Variants in CLVS1 observed in about 807,000 individuals in gnomAD.
CLVS1 encodes the protein clavesin-1.
In CLVS1, 10 loss-of-function variants were observed where a neutral mutation model predicts 33.1. The ratio of observed to expected loss-of-function variants is 0.30; its 90% CI spans 0.19 to 0.51. The LOEUF (loss-of-function observed/expected upper bound fraction) is 0.51, where lower values mean the gene tolerates loss of function less well. CLVS1 is among the 20% of genes least tolerant of loss of function. The pLI is 0.97. For synonymous variants in CLVS1, 163 were observed against 166.1 expected, an observed-to-expected ratio of 0.98 and a Z score of 0.14; for missense variants, 343 against 433.4, an observed-to-expected ratio of 0.79 and a Z score of 1.85.
At chr8:61,040,174 T>C in the CLVS1 span, among the ~76,000 whole-genome samples, 1 of 152,234 alleles carries the variant, frequency 6.6e-6, no homozygotes, top group African/African-American at 2.4e-5. Flanking sequence ...GGACATAATT[T>C]CATTCTTTTT....
At chr8:61,038,842 C>G in the CLVS1 span, among the ~76,000 whole-genome samples, 1 of 152,194 alleles carries the variant, frequency 6.6e-6, no homozygotes, top group East Asian at 1.9e-4. Context: ...TCCGGACACT[C>G]ACGAACACCT....
intron 2 of CLVS1, among the ~76,000 whole-genome samples, chr8:61,252,118 C>T (rs180766984): frequency 6.6e-6 from 1 of 152,240 alleles, no homozygotes; most frequent in East Asian, 1.9e-4. Flanking sequence ...TACATTGTGT[C>T]TTCATTCTCA....
intron 2 of CLVS1, among the ~76,000 whole-genome samples, chr8:61,272,848 C>T (rs1262703400): frequency 6.6e-6 from 1 of 152,174 alleles, no homozygotes; most frequent in Non-Finnish European, 1.5e-5. Context: ...GCTCCGTCAG[C>T]TCCTTTAAGC....
chr8:61,119,356 C>G (rs1285242609), intron 1 of CLVS1, among the ~76,000 whole-genome samples: 1 of 151,284 alleles, frequency 6.6e-6, no homozygotes, highest in Non-Finnish European at 1.5e-5. Context: ...TTAATTGGAG[C>G]ATTTAGTCCA....
At chr8:60,985,887 A>C in the CLVS1 span, among the ~76,000 whole-genome samples, 8 of 151,838 alleles carry the variant, frequency 5.3e-5, no homozygotes, top group African/African-American at 1.9e-4. Flanking sequence ...TTTAGCCTTT[A>C]TCCGGCATAC....
chr8:61,096,316 T>A (rs1202323968), intron 1 of CLVS1, among the ~76,000 whole-genome samples: 1 of 152,248 alleles, frequency 6.6e-6, no homozygotes, highest in Non-Finnish European at 1.5e-5. Context: ...GGCGACTGCA[T>A]CCTCTGGTCC....
At chr8:61,252,902 G>A (rs1055255881) in intron 2 of CLVS1, among the ~76,000 whole-genome samples, 20 of 152,206 alleles carry the variant, frequency 1.3e-4, no homozygotes, top group Admixed American at 3.3e-4. Context: ...TTTAACTGGG[G>A]CATTTTATCA....
At chr8:61,244,597 A>G (rs541926857) in intron 2 of CLVS1, among the ~76,000 whole-genome samples, 3 of 152,332 alleles carry the variant, frequency 2.0e-5, no homozygotes, top group African/African-American at 4.8e-5. Flanking sequence ...ATGAAAACTT[A>G]TACAACACCA....
chr8:60,993,872 C>T, the CLVS1 span, among the ~76,000 whole-genome samples: 1 of 152,194 alleles, frequency 6.6e-6, no homozygotes, highest in Non-Finnish European at 1.5e-5. Context: ...CTTTTCAAGG[C>T]CATGGAGTGA....
chr8:61,168,339 T>C (rs1806923483), intron 2 of CLVS1, among the ~76,000 whole-genome samples: 1 of 152,236 alleles, frequency 6.6e-6, no homozygotes, highest in Non-Finnish European at 1.5e-5. Flanking sequence ...TCTAACATTC[T>C]TTATTAAAAA....
the CLVS1 span, among the ~76,000 whole-genome samples, chr8:60,967,184 C>T: frequency 6.6e-6 from 1 of 152,176 alleles, no homozygotes; most frequent in African/African-American, 2.4e-5. Flanking sequence ...TGTAGTCCTG[C>T]GCTAGGTCTG....
chr8:61,471,953 C>G (rs1817751518), intron 5 of CLVS1, among the ~76,000 whole-genome samples: 2 of 152,346 alleles, frequency 1.3e-5, no homozygotes, highest in East Asian at 3.9e-4. Context: ...ACACAGCCCC[C>G]ATCACACTGG....
At chr8:61,289,117 C>G (rs1043605974) in intron 1 of CLVS1, among the ~76,000 whole-genome samples, 5 of 152,192 alleles carry the variant, frequency 3.3e-5, no homozygotes, top group Admixed American at 1.3e-4. Context: ...GACCAGATGG[C>G]CTTGCTTTGT....
At position 61,074,452 on chromosome 8, in the gene CLVS1, A is replaced by G. The variant is rs1179657955; in HGVS notation, c.-243+17222A>G. Among the ~76,000 whole-genome samples the G allele has an allele frequency of 4.3e-5, 5 of 115,280 alleles. No individual in the cohort carries two copies. In the East Asian group the frequency reaches 8.5e-4, roughly 20 times the overall value. 75.6% of individuals were successfully genotyped at this position (115,280 alleles called of 152,430 possible). On this transcript the variant is annotated intron_variant, in intron 1 of 2. Coordinates refer to the CLVS1 transcript ENST00000522621. ...ATATATGTTATATATATATAAGTATATGTGTATATATATGTTATATATATA... is the reference window on the plus strand; with the variant it reads ...ATATATGTTATATATATATAAGTATGTGTGTATATATATGTTATATATATA...
rs755592380 is a variant in CLVS1, at chr8:61,218,029, C to T, written c.-151-81648C>T. Among the ~76,000 whole-genome samples, 5 of 151,950 alleles carry T rather than the reference C, an allele frequency of 3.3e-5. No individual in the cohort carries two copies. The South Asian group carries it at 6.2e-4, about 19-fold the overall frequency. On this transcript the variant is annotated intron_variant, in intron 2 of 2. Coordinates refer to the CLVS1 transcript ENST00000522621. ...AAATGCTGGTGATGATATGGAGAAACGGGGACTCATACATTGTTGGTGGGA... is the reference window on the plus strand; with the variant it reads ...AAATGCTGGTGATGATATGGAGAAATGGGGACTCATACATTGTTGGTGGGA...
At chr8:61,090,814 T>A (rs186990649) in intron 1 of CLVS1, 13 of 510,078 alleles carry the variant, frequency 2.5e-5, no homozygotes, top group Non-Finnish European at 4.7e-5. Context: ...ATATGCAGAT[T>A]CATCTGTACC....
chr8:61,138,883 C>T (rs1244128327), intron 2 of CLVS1, among the ~76,000 whole-genome samples: 3 of 152,248 alleles, frequency 2.0e-5, no homozygotes, highest in South Asian at 2.1e-4. Context: ...GGTGTTGGCT[C>T]GCTCTTTCCC....
the CLVS1 span, among the ~76,000 whole-genome samples, chr8:61,001,377 T>A: frequency 2.0e-5 from 3 of 152,244 alleles, no homozygotes; most frequent in Non-Finnish European, 2.9e-5. Flanking sequence ...ATATTTTCTA[T>A]CCTTTCTTCA....
rs567798078 is a variant in CLVS1, at chr8:61,331,804, T to C, written c.455+31522T>C. ...ATTTCCTCCAGCTTCTTCTTCTTCTTCTCCTCCTCCTCCTCCTCTTCCTCC... is the reference window on the plus strand; with the variant it reads ...ATTTCCTCCAGCTTCTTCTTCTTCTCCTCCTCCTCCTCCTCCTCTTCCTCC... On this transcript the variant is annotated intron_variant, in intron 2 of 5. Transcript: ENST00000325897. 9.4e-5 allele frequency among the ~76,000 whole-genome samples: 14 copies of C among 148,956 alleles called. No individual in the cohort carries two copies. In the East Asian group the frequency reaches 2.3e-3, roughly 25 times the overall value.
Sources: gnomAD v4.1 joint callset for allele counts (sites outside exome capture counted in the v4.1 genomes callset) on GRCh38, gnomAD v4.1.1 for gene constraint, MANE v1.5 for transcripts, NCBI Gene and HGNC (gene_info 2026-07-23, HGNC 2026-07-21) for gene names.